Variants in RPLP1 observed in about 807,000 individuals in gnomAD.
RPLP1 encodes large ribosomal subunit protein P1.
A neutral mutation model predicts 11.6 loss-of-function variants in RPLP1; 4 were observed. The ratio of observed to expected loss-of-function variants is 0.34; its 90% CI spans 0.17 to 0.79. RPLP1 has a LOEUF of 0.79. Ranked by LOEUF, RPLP1 falls within the 30% of genes least tolerant of loss-of-function variation. RPLP1 has a pLI of 0.55. For synonymous variants in RPLP1, 54 were observed against 52.2 expected, an observed-to-expected ratio of 1.03 and a Z score of -0.15; for missense variants, 133 against 142.8, an observed-to-expected ratio of 0.93 and a Z score of 0.35.
At chr15:69,453,509 T>G in intron 1 of RPLP1, 138 bp from the exon 2 acceptor site, 1 of 923,626 alleles carries the variant, frequency 1.1e-6, no homozygotes, top group South Asian at 1.5e-5. Context: ...GCAGGGCGCC[T>G]GGCACACATC....
chr15:69,455,014 T>C (rs1892412804), intron 2 of RPLP1, 156 bp from the exon 3 acceptor site: 1 of 1,104,392 alleles, frequency 9.1e-7, no homozygotes, highest in Admixed American at 2.8e-5. Context: ...ATGCTTATTT[T>C]TCCACTGTTG....
intron 2 of RPLP1, 161 bp downstream of exon 2, chr15:69,453,882 C>A (rs1450745860): frequency 4.6e-6 from 3 of 657,856 alleles, no homozygotes; most frequent in South Asian, 3.8e-5. Flanking sequence ...AATAAGATTT[C>A]AGCTTGTCAA....
At chr15:69,453,995 A>T in intron 2 of RPLP1, 1 of 528,400 alleles carries the variant, frequency 1.9e-6, no homozygotes, top group Non-Finnish European at 3.4e-6. Context: ...GTCACTCGGG[A>T]GATAGGTACT....
rs1177308727 is a variant in RPLP1 at position 69,453,000 on chromosome 15, G to T, written c.52G>T (p.Asp18Tyr). The change falls in exon 1 of 4, where the codon GAC becomes TAC. Residue 18 changes from aspartate (D) to tyrosine (Y), a missense_variant. Coordinates refer to ENST00000260379, the MANE Select transcript of RPLP1 (RefSeq NM_001003.3). ...CATCTACTCGGCCCTCATTCTGCAC[G>T]ACGATGAGGTGACAGTCACGGTGAG... ...ACIYSALILH[D>Y]DEVTVTEDKI... 7 of 1,575,148 alleles carry T rather than the reference G, an allele frequency of 4.4e-6. No individual in the cohort carries two copies. The highest frequency in any genetic ancestry group is 1.2e-5 in the South Asian group (1 of 85,972).
intron 1 of RPLP1, chr15:69,453,380 C>G (rs1892382341): frequency 1.7e-6 from 1 of 581,862 alleles, no homozygotes; most frequent in Admixed American, 3.1e-5. Context: ...TGAATTCCCC[C>G]GGTCGTGGAG....
chr15:69,453,631 T>C lies in RPLP1; in HGVS notation c.73-16T>C, dbSNP rs1567087634. The C allele has an allele frequency of 6.2e-7, 1 of 1,613,796 alleles. No individual in the cohort carries two copies. Among genetic ancestry groups the C allele is most frequent in the Non-Finnish European group, 8.5e-7 (1 of 1,179,742 alleles). ...TACGCTACGTTTTGATGGATTGACG[T>C]TTTTATTTGTTGTAGGAGGATAAGA... On this transcript the variant is annotated splice_polypyrimidine_tract_variant and intron_variant, in intron 1 of 3. Transcript: ENST00000260379.
At chr15:69,455,065 T>C in intron 2 of RPLP1, 105 bp from the exon 3 acceptor site, 1 of 1,468,876 alleles carries the variant, frequency 6.8e-7, no homozygotes, top group Non-Finnish European at 9.0e-7. Context: ...GTGTTAGGGG[T>C]TGATCACTGT....
At chr15:69,453,477 G>C (rs1892384560) in intron 1 of RPLP1, 170 bp from the exon 2 acceptor site, 6 of 694,010 alleles carry the variant, frequency 8.6e-6, no homozygotes, top group Middle Eastern at 4.1e-4. Flanking sequence ...CCGTGAAACA[G>C]CAGTGATGGG....
Position 69,455,740 on chromosome 15 carries a change from T to C in RPLP1, c.*233T>C. On this transcript the variant is annotated 3_prime_UTR_variant, in exon 4 of 4. Transcript: ENST00000260379. ...TACAGTGTTGAAAACTGCACTGGGG[T>C]GGCAGGAGGAAGGATCAGAGCAGAT... is the stretch of plus-strand genomic sequence containing the variant. 1.9e-6 allele frequency: 1 copy of C among 536,974 alleles called. No individual in the cohort carries two copies. The highest frequency in any genetic ancestry group is 3.3e-6 in the Non-Finnish European group (1 of 304,142). 33.3% of individuals were successfully genotyped at this position (536,974 alleles called of 1,614,324 possible). A position where few individuals can be genotyped will look rare whatever the true frequency, so the allele number is the denominator to read the frequency against.
intron 1 of RPLP1, 40 bp downstream of exon 1, chr15:69,453,060 G>A (rs544503236): frequency 1.7e-5 from 26 of 1,528,990 alleles, no homozygotes; most frequent in Non-Finnish European, 2.1e-5. Context: ...CTGCCTGTGG[G>A]CGGTGACTTT....
In RPLP1 at chr15:69,453,727, G is replaced by C; in HGVS notation, c.147+6G>C. ...GGCCTGGCTTGTTTGCAAAGGTAAG[G>C]TGATGGTGGCAAAGTGATTGTGGTA... On this transcript the variant is annotated splice_donor_region_variant and intron_variant, in intron 2 of 3. Coordinates refer to ENST00000260379, the MANE Select transcript of RPLP1 (RefSeq NM_001003.3). The C allele has an allele frequency of 6.2e-7, 1 of 1,614,154 alleles. No homozygotes were observed. The highest frequency in any genetic ancestry group is 8.5e-7 in the Non-Finnish European group (1 of 1,180,014).
At position 69,455,769 on chromosome 15, in the gene RPLP1, T is replaced by G; in HGVS notation, c.*262T>G. ...AGGAGGAAGGATCAGAGCAGATGCTTTGTCCAGGTTACCTGTGTAAACTTG... is the reference window on the plus strand; with the variant it reads ...AGGAGGAAGGATCAGAGCAGATGCTGTGTCCAGGTTACCTGTGTAAACTTG... On this transcript the variant is annotated 3_prime_UTR_variant, in exon 4 of 4. Transcript: ENST00000260379. 1 of 463,684 alleles carries G rather than the reference T, an allele frequency of 2.2e-6. No homozygotes were observed. The highest frequency in any genetic ancestry group is 3.8e-6 in the Non-Finnish European group (1 of 260,588). 28.7% of individuals were successfully genotyped at this position (463,684 alleles called of 1,614,324 possible). A position where few individuals can be genotyped will look rare whatever the true frequency, so the allele number is the denominator to read the frequency against.
At position 69,455,682 on chromosome 15, in the gene RPLP1, C is replaced by T. The variant is rs1390045727; in HGVS notation, c.*175C>T. 8.3e-6 allele frequency: 5 copies of T among 604,082 alleles called. No individual in the cohort carries two copies. The highest frequency in any genetic ancestry group is 1.4e-5 in the Non-Finnish European group (5 of 344,932). The allele number at this position is 604,082 out of a possible 1,614,324, so 37.4% of individuals were successfully genotyped here. ...ACCATTGCCGGATGTGAGATTTAGACAATCCTGATGCTAACAAGAAGGCAC... is the reference window on the plus strand; with the variant it reads ...ACCATTGCCGGATGTGAGATTTAGATAATCCTGATGCTAACAAGAAGGCAC... On this transcript the variant is annotated 3_prime_UTR_variant, in exon 4 of 4. Coordinates refer to ENST00000260379, the MANE Select transcript of RPLP1 (RefSeq NM_001003.3).
chr15:69,455,273 C>T lies in RPLP1; in HGVS notation c.251C>T (p.Thr84Ile). The change falls in exon 3 of 4, where the codon ACT (threonine) becomes ATT (isoleucine). Residue 84 changes from threonine (T) to isoleucine (I), a missense_variant. By Grantham distance (89) the Thr-to-Ile change is moderately conservative (BLOSUM62 -1). Transcript: ENST00000260379. ...AAPAGGPAPS[T>I]AAAPAEEKKV... ...CCAGCAGGAGGTCCTGCCCCCTCCA[C>T]TGCTGCTGCTCCAGGTAGGAAACAT... 3.2e-6 allele frequency: 5 copies of T among 1,560,888 alleles called. No homozygotes were observed. The highest frequency in any genetic ancestry group is 4.3e-6 in the Non-Finnish European group (5 of 1,157,400).
intron 3 of RPLP1, 48 bp from the exon 4 acceptor site, chr15:69,455,380 T>C: frequency 6.4e-7 from 1 of 1,572,342 alleles, no homozygotes; most frequent in Non-Finnish European, 8.6e-7. Context: ...TTTTCACAAG[T>C]ATATGAAGTA....
Position 69,455,415 on chromosome 15 carries a change from T to A in RPLP1, c.266-13T>A. The A allele has an allele frequency of 6.3e-7, 1 of 1,582,014 alleles. No individual in the cohort carries two copies. ...ATGGAAATCCTAACACCTGATTGAC[T>A]TTTTTTTTCTAGCTGAGGAGAAGAA... is the stretch of plus-strand genomic sequence containing the variant. On this transcript the variant is annotated splice_polypyrimidine_tract_variant and intron_variant, in intron 3 of 3. Transcript: ENST00000260379.
chr15:69,455,704 G>A lies in RPLP1; in HGVS notation c.*197G>A. Reference sequence around the variant, plus strand: ...AGACAATCCTGATGCTAACAAGAAGGCACCTCATGGTACAGTGTTGAAAAC... The same window carrying A: ...AGACAATCCTGATGCTAACAAGAAGACACCTCATGGTACAGTGTTGAAAAC... On this transcript the variant is annotated 3_prime_UTR_variant, in exon 4 of 4. Transcript: ENST00000260379. 1 of 583,802 alleles carries A rather than the reference G, an allele frequency of 1.7e-6. No homozygotes were observed. Among genetic ancestry groups the A allele is most frequent in the South Asian group, 2.1e-5 (1 of 48,018 alleles). 36.2% of individuals were successfully genotyped at this position (583,802 alleles called of 1,614,324 possible).
rs1472349168 is a variant in RPLP1 at position 69,452,865 on chromosome 15, T to C, written c.-84T>C. 6.9e-6 allele frequency: 9 copies of C among 1,303,152 alleles called. No individual in the cohort carries two copies. The East Asian group carries it at 7.6e-5, about 11-fold the overall frequency. The allele number at this position is 1,303,152 out of a possible 1,614,324, so 80.7% of individuals were successfully genotyped here. ...AGGTGCTCGGTCCTTCCGAGGAAGC[T>C]AAGGCTGCGTTGGGGTGAGGCCCTC... On this transcript the variant is annotated 5_prime_UTR_variant, in exon 1 of 4. Coordinates refer to ENST00000260379, the MANE Select transcript of RPLP1 (RefSeq NM_001003.3).
intron 2 of RPLP1, 176 bp from the exon 3 acceptor site, chr15:69,454,994 T>C (rs554088848): frequency 1.2e-6 from 1 of 832,266 alleles, no homozygotes; most frequent in East Asian, 2.8e-5. Flanking sequence ...AGTCTACATG[T>C]TTGGTACACA....
Sources: allele counts gnomAD v4.1 joint callset, GRCh38; gene constraint gnomAD v4.1.1; transcripts MANE v1.5; gene names NCBI Gene and HGNC (gene_info 2026-07-23, HGNC 2026-07-21).